Variants in PRMT3 observed in about 807,000 individuals in gnomAD.
The protein encoded by PRMT3 is protein arginine N-methyltransferase 3.
A neutral mutation model predicts 71.9 loss-of-function variants in PRMT3; 62 were observed. The observed-to-expected ratio is 0.86, with a 90% CI of 0.70 to 1.07. The LOEUF (loss-of-function observed/expected upper bound fraction) is 1.07. Among genes scored for constraint, PRMT3 ranks in the 50% least tolerant of loss-of-function variants. The pLI, the probability that PRMT3 is intolerant of heterozygous loss-of-function variation, is 0.00. For synonymous variants in PRMT3, 213 were observed against 220.4 expected (o/e 0.97, Z 0.30); for missense variants, 663 against 643.0 (o/e 1.03, Z -0.34).
intron 9 of PRMT3, among the ~76,000 whole-genome samples, chr11:20,416,625 G>T (rs1478468103): frequency 2.0e-4 from 31 of 152,102 alleles, no homozygotes; most frequent in Admixed American, 2.0e-3. Context: ...CATTGTTTCT[G>T]ATAGATTCCA....
chr11:20,496,771 A>G (rs751511520), intron 15 of PRMT3, among the ~76,000 whole-genome samples: 2 of 152,208 alleles, frequency 1.3e-5, no homozygotes, highest in Non-Finnish European at 2.9e-5. Context: ...TAAATATTTC[A>G]TAAATTCTAT....
rs1045183049 is a variant in PRMT3 at position 20,458,608 on chromosome 11, A to G, written c.1073-3372A>G. Among the ~76,000 whole-genome samples the G allele has an allele frequency of 1.2e-4, 18 of 152,356 alleles. No homozygotes were observed. The East Asian group carries it at 3.5e-3, about 29-fold the overall frequency. ...CAGAATGCAAAGGTAAAGGGTCAGG[A>G]TTCTGGCAGGTGGTCCAAGATTTTA... is the stretch of plus-strand genomic sequence containing the variant. On this transcript the variant is annotated intron_variant, in intron 11 of 15. Transcript: ENST00000331079.
chr11:20,496,587 G>A (rs1318321925), intron 15 of PRMT3, among the ~76,000 whole-genome samples: 1 of 134,554 alleles, frequency 7.4e-6, no homozygotes, highest in Non-Finnish European at 1.6e-5. Context: ...GGTTACCTCT[G>A]GATAGAAATA....
intron 13 of PRMT3, among the ~76,000 whole-genome samples, chr11:20,468,791 A>G (rs984530195): frequency 2.2e-4 from 34 of 152,248 alleles, no homozygotes; most frequent in Admixed American, 2.0e-3. Flanking sequence ...AATAGCATGT[A>G]TGCTATAGAC....
intron 13 of PRMT3, among the ~76,000 whole-genome samples, chr11:20,473,058 T>G (rs2133419667): frequency 1.3e-5 from 2 of 152,280 alleles, no homozygotes; most frequent in Admixed American, 1.3e-4. Context: ...CTTTGATGGT[T>G]GTTTGTATTT....
At chr11:20,449,278 G>A (rs1364709511) in intron 10 of PRMT3, among the ~76,000 whole-genome samples, 1 of 152,138 alleles carries the variant, frequency 6.6e-6, no homozygotes, top group Non-Finnish European at 1.5e-5. Context: ...TAGTGGCTAA[G>A]GGCCAGTTGC....
At chr11:20,428,328 A>G (rs1040046369) in intron 10 of PRMT3, among the ~76,000 whole-genome samples, 3 of 152,230 alleles carry the variant, frequency 2.0e-5, no homozygotes, top group Admixed American at 2.0e-4. Context: ...TAGAAAATGC[A>G]TCTTTTAAAT....
chr11:20,488,429 G>A (rs540633935), intron 13 of PRMT3, among the ~76,000 whole-genome samples: 1 of 152,172 alleles, frequency 6.6e-6, no homozygotes, highest in African/African-American at 2.4e-5. Flanking sequence ...TCCATATTGA[G>A]ATTTTGAAAG....
chr11:20,496,365 C>A (rs1314751742), intron 15 of PRMT3, among the ~76,000 whole-genome samples: 1 of 152,070 alleles, frequency 6.6e-6, no homozygotes, highest in Admixed American at 6.6e-5. Flanking sequence ...CTGCAGTGAG[C>A]TGTGATTGAG....
chr11:20,471,186 A>G (rs1850636587), intron 13 of PRMT3, among the ~76,000 whole-genome samples: 1 of 151,778 alleles, frequency 6.6e-6, no homozygotes, highest in Non-Finnish European at 1.5e-5. Flanking sequence ...TTCTGATGAT[A>G]GTTTCTTTTG....
At chr11:20,389,109 C>T (rs750649590) in intron 2 of PRMT3, among the ~76,000 whole-genome samples, 11 of 152,110 alleles carry the variant, frequency 7.2e-5, no homozygotes, top group Non-Finnish European at 1.6e-4. Flanking sequence ...TTGTGGAAAA[C>T]TAATGCTCCA....
chr11:20,404,202 C>A, intron 8 of PRMT3, among the ~76,000 whole-genome samples: 1 of 87,714 alleles, frequency 1.1e-5, no homozygotes, highest in Non-Finnish European at 2.2e-5. Flanking sequence ...ATAGTGGAGA[C>A]TTTTCATAGT....
Position 20,387,754 on chromosome 11 carries a change from C to G in PRMT3, c.8C>G (p.Ser3Trp). 6.5e-7 allele frequency: 1 copy of G among 1,541,596 alleles called. No individual in the cohort carries two copies. The highest frequency in any genetic ancestry group is 8.7e-7 in the Non-Finnish European group (1 of 1,146,176). Residue 3 changes from serine to tryptophan, a missense_variant, in exon 1 of 16, where the codon TCG becomes TGG. By Grantham distance (177) the Ser-to-Trp change is radical (BLOSUM62 -3). Transcript: ENST00000331079. This position sits in a 1 kb window ranked among gnomAD's most constrained non-coding sequence, Gnocchi z 4.3. ...TCTCGGGGCACCACAGCCATGTGCTCGTTAGCGTCAGGCGCTACCGGTGGG... is the reference window on the plus strand; with the variant it reads ...TCTCGGGGCACCACAGCCATGTGCTGGTTAGCGTCAGGCGCTACCGGTGGG... MC[S>W]LASGATGGRG... is the part of the protein sequence containing the mutation.
chr11:20,508,674 T>C lies in PRMT3; in HGVS notation c.*261T>C, dbSNP rs1399264434. 1.2e-5 allele frequency: 7 copies of C among 574,572 alleles called. No homozygotes were observed. The highest frequency in any genetic ancestry group is 2.3e-5 in the Non-Finnish European group (7 of 304,316). The allele number at this position is 574,572 out of a possible 1,614,324, so 35.6% of individuals were successfully genotyped here. The stretch of plus-strand genomic sequence containing the variant: ...GATTTAACCAAATGTAACTCCCACA[T>C]TGAGTTTATCTATATTGAAAATCAT... On this transcript the variant is annotated 3_prime_UTR_variant, in exon 16 of 16. Transcript: ENST00000331079.
chr11:20,474,112 G>A (rs542169549), intron 13 of PRMT3, among the ~76,000 whole-genome samples: 3 of 152,284 alleles, frequency 2.0e-5, no homozygotes, highest in Admixed American at 6.5e-5. Context: ...AACTGCACCC[G>A]TACGAGGTGG....
At chr11:20,433,817 A>G (rs1289466028) in intron 10 of PRMT3, among the ~76,000 whole-genome samples, 1 of 152,036 alleles carries the variant, frequency 6.6e-6, no homozygotes, top group Non-Finnish European at 1.5e-5. Flanking sequence ...ATGAGGTTTC[A>G]CCATGTTGGC....
intron 13 of PRMT3, among the ~76,000 whole-genome samples, chr11:20,466,573 CTACAGTTTTA>C (rs1431199291): frequency 2.6e-5 from 4 of 152,102 alleles, no homozygotes; most frequent in African/African-American, 4.8e-5. Context: ...GCAGTTTTAG[CTACAGTTTTA>C]TACTACAGAT....
At chr11:20,404,207 CAT>C (rs1849013174) in intron 8 of PRMT3, among the ~76,000 whole-genome samples, 1 of 81,072 alleles carries the variant, frequency 1.2e-5, no homozygotes, top group Non-Finnish European at 2.3e-5. Flanking sequence ...GGAGACTTTT[CAT>C]AGTTTTTTTT....
intron 15 of PRMT3, 71 bp from the exon 16 acceptor site, chr11:20,508,233 T>G: frequency 1.3e-6 from 1 of 763,820 alleles, no homozygotes; most frequent in Non-Finnish European, 2.2e-6. Flanking sequence ...GAAGTGCTAG[T>G]TATACATTGT....
Sources: gnomAD v4.1 joint callset for allele counts (sites outside exome capture counted in the v4.1 genomes callset) on GRCh38, gnomAD v4.1.1 for gene constraint, Gnocchi (gnomAD v3.1) non-coding constraint, MANE v1.5 for transcripts, NCBI Gene and HGNC (gene_info 2026-07-23, HGNC 2026-07-21) for gene names.